SERPINB5: variants seen among roughly 807,000 people sequenced by gnomAD.
SERPINB5 encodes the protein serpin B5.
A neutral mutation model predicts 32.2 loss-of-function variants in SERPINB5; 27 were observed. That is an observed-to-expected ratio of 0.84 (90% CI 0.62 to 1.16). SERPINB5 has a LOEUF of 1.16. Among genes scored for constraint, SERPINB5 ranks in the 50% most tolerant of loss-of-function variants. The pLI is 0.00. For synonymous variants in SERPINB5, 154 were observed against 157.4 expected (o/e 0.98, Z 0.16); for missense variants, 388 against 436.3 (o/e 0.89, Z 0.99).
chr18:63,504,460 G>A lies in SERPINB5; in HGVS notation c.*738G>A, dbSNP rs1195345947. Reference sequence around the variant, plus strand: ...AAGGGGTCAAAATTTGCTGCCAAATGCGTATGCCACCAACTTACAAAAACA... The same window carrying A: ...AAGGGGTCAAAATTTGCTGCCAAATACGTATGCCACCAACTTACAAAAACA... On this transcript the variant is annotated 3_prime_UTR_variant, in exon 7 of 7. Coordinates refer to ENST00000382771, the MANE Select transcript of SERPINB5 (RefSeq NM_002639.5). The A allele has an allele frequency of 6.6e-6, 1 of 152,174 alleles. No homozygotes were observed. The highest frequency in any genetic ancestry group is 6.5e-5 in the Admixed American group (1 of 15,280). 9.4% of individuals were successfully genotyped at this position (152,174 alleles called of 1,614,324 possible).
intron 3 of SERPINB5, among the ~76,000 whole-genome samples, chr18:63,487,987 C>G (rs995338268): frequency 2.6e-5 from 4 of 151,782 alleles, no homozygotes; most frequent in Non-Finnish European, 5.9e-5. Flanking sequence ...TACACACAAC[C>G]ATTTTTCTTC....
Position 63,503,329 on chromosome 18 carries a change from G to T in SERPINB5, c.736-1G>T. On this transcript the variant is annotated splice_acceptor_variant, in intron 6 of 6. Transcript: ENST00000382771. LOFTEE classifies it high-confidence loss of function. ...AATTTCTTTTCATTTTTGTCCTTCA[G>T]ATTGAAAAACAACTCAACTCAGAGT... 2.5e-6 allele frequency: 4 copies of T among 1,604,162 alleles called. No individual in the cohort carries two copies. Among genetic ancestry groups the T allele is most frequent in the Non-Finnish European group, 3.4e-6 (4 of 1,177,830 alleles).
rs915833119 is a variant in SERPINB5, at chr18:63,497,361, C to A, written c.568-1759C>A. 1.8e-5 allele frequency: 24 copies of A among 1,302,622 alleles called. No homozygotes were observed. The African/African-American group carries it at 3.3e-4, about 18-fold the overall frequency. 80.7% of individuals were successfully genotyped at this position (1,302,622 alleles called of 1,614,324 possible). A position where few individuals can be genotyped will look rare whatever the true frequency, so the allele number is the denominator to read the frequency against. ...CCCTGTCTGAGGCCATGGGGCTCTT[C>A]TGTTTGATGGTCGCCTTCCTTATCC... On this transcript the variant is annotated intron_variant, in intron 5 of 6. Transcript: ENST00000382771.
chr18:63,503,642 G>A lies in SERPINB5; in HGVS notation c.1048G>A (p.Ala350Thr), dbSNP rs1909617961. 1 of 1,614,172 alleles carries A rather than the reference G, an allele frequency of 6.2e-7. No individual in the cohort carries two copies. The highest frequency in any genetic ancestry group is 1.7e-5 in the Admixed American group (1 of 60,028). Residue 350 changes from alanine to threonine, a missense_variant, in exon 7 of 7, where the codon GCT becomes ACT. Coordinates refer to ENST00000382771, the MANE Select transcript of SERPINB5 (RefSeq NM_002639.5). ...RILQHKDELN[A>T]DHPFIYIIRH... ...CCTGCAGCACAAGGATGAATTGAAT[G>A]CTGACCATCCCTTTATTTACATCAT...
intron 1 of SERPINB5, among the ~76,000 whole-genome samples, chr18:63,477,460 G>A (rs1343555606): frequency 6.6e-6 from 1 of 152,164 alleles, no homozygotes; most frequent in Non-Finnish European, 1.5e-5. Flanking sequence ...CGCAAACTGG[G>A]GAAAGTTGAG....
chr18:63,490,931 G>C (rs552278254), intron 4 of SERPINB5, among the ~76,000 whole-genome samples: 5 of 152,240 alleles, frequency 3.3e-5, no homozygotes, highest in African/African-American at 1.2e-4. Flanking sequence ...CATCACCCAA[G>C]CAGTGTACAC....
At chr18:63,492,625 AG>A (rs1879435975) in intron 4 of SERPINB5, among the ~76,000 whole-genome samples, 1 of 152,216 alleles carries the variant, frequency 6.6e-6, no homozygotes. Flanking sequence ...TTCATAAAGT[AG>A]GAAGAAATAT....
intron 5 of SERPINB5, 86 bp downstream of exon 5, chr18:63,493,181 C>T: frequency 6.4e-7 from 1 of 1,572,838 alleles, no homozygotes; most frequent in Non-Finnish European, 8.7e-7. Context: ...AAATCCATTC[C>T]AATGAGGAAC....
intron 3 of SERPINB5, among the ~76,000 whole-genome samples, chr18:63,487,356 A>G (rs1000147541): frequency 2.0e-5 from 3 of 152,182 alleles, no homozygotes; most frequent in Non-Finnish European, 4.4e-5. Context: ...CTCTGAGAGA[A>G]TGGAGAACAG....
In SERPINB5 at chr18:63,503,339, C is replaced by T; in HGVS notation, c.745C>T (p.Gln249Ter). The change falls in exon 7 of 7, where the codon CAA becomes TAA. Residue 249 changes from glutamine (Q) to a stop codon, truncating the protein, a stop_gained. Transcript: ENST00000382771. LOFTEE classifies it high-confidence loss of function. ...ESTGLEKIEK[Q>*]LNSESLSQWT... ...CATTTTTGTCCTTCAGATTGAAAAA[C>T]AACTCAACTCAGAGTCACTGTCACA... 1 of 1,606,324 alleles carries T rather than the reference C, an allele frequency of 6.2e-7. No individual in the cohort carries two copies.
chr18:63,497,327 TG>T, intron 5 of SERPINB5: 1 of 1,287,728 alleles, frequency 7.8e-7, no homozygotes. Flanking sequence ...TATGCGATTC[TG>T]GGCTTTGCCC....
intron 1 of SERPINB5, among the ~76,000 whole-genome samples, chr18:63,479,559 G>A (rs1181910742): frequency 6.6e-6 from 1 of 152,126 alleles, no homozygotes; most frequent in Non-Finnish European, 1.5e-5. Flanking sequence ...TTACTCAGTT[G>A]TCACTGTCTC....
At chr18:63,500,347 GCCA>G (rs1909545780) in intron 6 of SERPINB5, among the ~76,000 whole-genome samples, 1 of 151,728 alleles carries the variant, frequency 6.6e-6, no homozygotes, top group South Asian at 2.1e-4. Context: ...ATAGGCATGA[GCCA>G]CCACACCTGG....
intron 2 of SERPINB5, chr18:63,486,532 G>A (rs1306586553): frequency 6.5e-6 from 1 of 154,886 alleles, no homozygotes; most frequent in Non-Finnish European, 1.4e-5. Context: ...AAATCCTTCT[G>A]TGTGAGTATT....
At chr18:63,483,118 GTTAAAA>G (rs1265299553) in intron 1 of SERPINB5, among the ~76,000 whole-genome samples, 6 of 152,186 alleles carry the variant, frequency 3.9e-5, no homozygotes, top group African/African-American at 1.4e-4. Flanking sequence ...AAGTTGCTGT[GTTAAAA>G]TTAAAGAGCT....
At chr18:63,499,572 A>G (rs1034663009) in intron 6 of SERPINB5, among the ~76,000 whole-genome samples, 1 of 152,196 alleles carries the variant, frequency 6.6e-6, no homozygotes, top group South Asian at 2.1e-4. Flanking sequence ...AGAGACTGTT[A>G]CCACACTCTT....
rs962466048 is a variant in SERPINB5, at chr18:63,499,252, A to G, written c.700A>G (p.Lys234Glu). The change falls in exon 6 of 7, where the codon AAG becomes GAG. Residue 234 changes from lysine (K) to glutamate (E), a missense_variant. Lys to Glu is a moderately conservative substitution (Grantham distance 56, BLOSUM62 1). Transcript: ENST00000382771. ...KHLSMFILLP[K>E]DVEDESTGLE... is the part of the protein sequence containing the mutation. ...TCTCAGCATGTTCATCCTACTACCC[A>G]AGGATGTGGAGGATGAGTCCACAGG... The G allele has an allele frequency of 1.9e-6, 3 of 1,596,774 alleles. No homozygotes were observed. The highest frequency in any genetic ancestry group is 2.6e-6 in the Non-Finnish European group (3 of 1,171,086).
At chr18:63,490,347 G>A (rs1330683450) in intron 4 of SERPINB5, among the ~76,000 whole-genome samples, 1 of 152,014 alleles carries the variant, frequency 6.6e-6, no homozygotes. Context: ...TCCCTCGTCG[G>A]ACTCCTCGTC....
intron 1 of SERPINB5, among the ~76,000 whole-genome samples, chr18:63,480,732 C>T (rs1330334595): frequency 6.6e-6 from 1 of 152,170 alleles, no homozygotes; most frequent in African/African-American, 2.4e-5. Flanking sequence ...GTTTTTAGGT[C>T]ACTTGGGACT....
Sources: gnomAD v4.1 joint callset for allele counts (sites outside exome capture counted in the v4.1 genomes callset) on GRCh38, gnomAD v4.1.1 for gene constraint, MANE v1.5 for transcripts, NCBI Gene and HGNC (gene_info 2026-07-23, HGNC 2026-07-21) for gene names.